Variants in GRID1 observed in about 807,000 individuals in gnomAD.
GRID1 encodes the protein glutamate ionotropic receptor delta type subunit 1.
Under a neutral mutation model 98.0 loss-of-function variants are expected in GRID1, and 28 were observed. The observed-to-expected ratio is 0.29, with a 90% CI of 0.21 to 0.39. The LOEUF (loss-of-function observed/expected upper bound fraction) is 0.39. GRID1 is among the 10% of genes least tolerant of loss of function. The pLI, the probability that GRID1 is intolerant of heterozygous loss-of-function variation, is 1.00. For synonymous variants in GRID1, 553 were observed against 538.5 expected (o/e 1.03, Z -0.37); for missense variants, 1,111 against 1,340.5 (o/e 0.83, Z 2.67).
At chr10:86,109,758 G>C (rs954085055) in intron 4 of GRID1, among the ~76,000 whole-genome samples, 5 of 152,154 alleles carry the variant, frequency 3.3e-5, no homozygotes, top group African/African-American at 1.2e-4. Flanking sequence ...AAGCTCTCCA[G>C]GTGATTCTAA....
intron 7 of GRID1, 28 bp from the exon 8 acceptor site, chr10:85,854,643 A>G (rs1339797091): frequency 1.2e-6 from 2 of 1,613,502 alleles, no homozygotes; most frequent in Non-Finnish European, 1.7e-6. Context: ...AACCCATTGG[A>G]AAATCTGGTT....
intron 4 of GRID1, among the ~76,000 whole-genome samples, chr10:85,944,656 G>A (rs1426823996): frequency 6.6e-6 from 1 of 152,154 alleles, no homozygotes; most frequent in East Asian, 1.9e-4. Context: ...TAGTGAGAAA[G>A]AAAAGAATGG....
chr10:85,742,719 C>T (rs1427870099), intron 8 of GRID1, among the ~76,000 whole-genome samples: 1 of 152,190 alleles, frequency 6.6e-6, no homozygotes, highest in Non-Finnish European at 1.5e-5. Flanking sequence ...CCCCATCCCA[C>T]ATGCTCTTCT....
At chr10:86,280,960 C>T (rs950862538) in intron 2 of GRID1, among the ~76,000 whole-genome samples, 13 of 152,344 alleles carry the variant, frequency 8.5e-5, no homozygotes, top group South Asian at 2.1e-4. Context: ...TTCTAAGAAG[C>T]GCTCCCTGAT....
intron 4 of GRID1, among the ~76,000 whole-genome samples, chr10:85,950,161 C>A (rs1326427716): frequency 6.6e-6 from 1 of 152,042 alleles, no homozygotes; most frequent in Non-Finnish European, 1.5e-5. Flanking sequence ...AGGGAGCAGA[C>A]AAAACACAGT....
chr10:85,898,158 C>T (rs1723013111), intron 5 of GRID1, among the ~76,000 whole-genome samples: 1 of 152,142 alleles, frequency 6.6e-6, no homozygotes. Context: ...CTATTGCAGG[C>T]AACTGTAACC....
At chr10:85,799,384 A>G (rs1192600064) in intron 8 of GRID1, among the ~76,000 whole-genome samples, 1 of 152,118 alleles carries the variant, frequency 6.6e-6, no homozygotes, top group Non-Finnish European at 1.5e-5. Context: ...AAAAATGATT[A>G]TGTTGAAGGA....
intron 15 of GRID1, 77 bp from the exon 16 acceptor site, chr10:85,602,778 T>G: frequency 9.2e-7 from 1 of 1,084,460 alleles, no homozygotes; most frequent in Non-Finnish European, 1.3e-6. Context: ...TCTGGATGTC[T>G]GTAGTCACCA....
intron 12 of GRID1, among the ~76,000 whole-genome samples, chr10:85,660,576 C>T (rs1840953949): frequency 6.6e-6 from 1 of 151,788 alleles, no homozygotes; most frequent in Non-Finnish European, 1.5e-5. Flanking sequence ...GAATTAGAGA[C>T]TCATACCAAT....
At chr10:85,880,724 G>A (rs1199802865) in intron 5 of GRID1, among the ~76,000 whole-genome samples, 1 of 152,058 alleles carries the variant, frequency 6.6e-6, no homozygotes, top group African/African-American at 2.4e-5. Context: ...AGACAGGGAT[G>A]CCCCCTCTCA....
chr10:86,250,575 C>T (rs1037059147), intron 2 of GRID1, among the ~76,000 whole-genome samples: 2 of 151,622 alleles, frequency 1.3e-5, no homozygotes, highest in Non-Finnish European at 3.0e-5. Flanking sequence ...CAGCCCCCGC[C>T]CGGCCAGCTG....
At chr10:86,186,511 A>G (rs900674190) in intron 3 of GRID1, among the ~76,000 whole-genome samples, 6 of 152,062 alleles carry the variant, frequency 3.9e-5, no homozygotes, top group Non-Finnish European at 5.9e-5. Flanking sequence ...AAGTAATTTG[A>G]GGACTTTCTG....
In GRID1 at chr10:85,727,908, G is replaced by T. The variant is rs778040590; in HGVS notation, c.1480C>A (p.His494Asn). 1 of 1,613,972 alleles carries T rather than the reference G, an allele frequency of 6.2e-7. No homozygotes were observed. Residue 494 changes from histidine (H) to asparagine (N), a missense_variant, in exon 10 of 16, where the codon CAC (histidine) becomes AAC (asparagine). By Grantham distance (68) the His-to-Asn change is moderately conservative. Coordinates refer to ENST00000327946, the MANE Select transcript of GRID1 (RefSeq NM_017551.3). ...TTCCAGGAGGTGTTATGGAGCTGGTGACCGTACCTGCCATCAGGGGCTTGG... is the reference window on the plus strand; with the variant it reads ...TTCCAGGAGGTGTTATGGAGCTGGTTACCGTACCTGCCATCAGGGGCTTGG... ...IYQAPDGRYG[H>N]QLHNTSWNGM...
chr10:85,965,636 G>C (rs1041850756), intron 4 of GRID1, among the ~76,000 whole-genome samples: 2 of 152,078 alleles, frequency 1.3e-5, no homozygotes, highest in Non-Finnish European at 2.9e-5. Context: ...GGGCCTGTCA[G>C]GGGGTGGGAG....
Position 85,854,578 on chromosome 10 carries a change from C to T in GRID1, c.1151G>A (p.Arg384Gln), listed in dbSNP as rs118168995. The T allele has an allele frequency of 2.9e-4, 466 of 1,613,778 alleles. 1 individual carries two copies. The highest frequency in any genetic ancestry group is 3.5e-4 in the Non-Finnish European group (407 of 1,179,694). Residue 384 changes from arginine to glutamine, a missense_variant, in exon 8 of 16, where the codon CGG (arginine) becomes CAG (glutamine). By Grantham distance (43) the Arg-to-Gln change is conservative. Coordinates refer to ENST00000327946, the MANE Select transcript of GRID1 (RefSeq NM_017551.3). The stretch of plus-strand genomic sequence containing the variant: ...GACATAGGGATTCGAACTGTCCTCC[C>T]GAAACTCCATCACCCCAGTGAGGCC... ...ITGLTGVMEF[R>Q]EDSSNPYVQF...
intron 4 of GRID1, among the ~76,000 whole-genome samples, chr10:86,127,513 G>C (rs975864085): frequency 6.6e-6 from 1 of 152,140 alleles, no homozygotes; most frequent in Non-Finnish European, 1.5e-5. Flanking sequence ...AAAAAGATCC[G>C]AAAGTGCCTA....
intron 12 of GRID1, among the ~76,000 whole-genome samples, chr10:85,677,543 G>A (rs925072571): frequency 1.3e-5 from 2 of 152,190 alleles, no homozygotes; most frequent in African/African-American, 4.8e-5. Flanking sequence ...TGTGAAGAAG[G>A]GATTGATATT....
intron 13 of GRID1, among the ~76,000 whole-genome samples, chr10:85,625,804 A>G (rs1426056649): frequency 2.0e-5 from 3 of 152,226 alleles, no homozygotes; most frequent in Non-Finnish European, 4.4e-5. Context: ...AGAAGCCACA[A>G]GTGAGCTGAT....
intron 12 of GRID1, among the ~76,000 whole-genome samples, chr10:85,660,118 G>A (rs1840948500): frequency 6.6e-6 from 1 of 152,334 alleles, no homozygotes; most frequent in Non-Finnish European, 1.5e-5. Flanking sequence ...AGCTCCACAT[G>A]CCACATAACT....
Sources: gnomAD v4.1 joint callset for allele counts (sites outside exome capture counted in the v4.1 genomes callset) on GRCh38, gnomAD v4.1.1 for gene constraint, MANE v1.5 for transcripts, NCBI Gene and HGNC (gene_info 2026-07-23, HGNC 2026-07-21) for gene names.